Variants in LRRTM4 observed in about 807,000 individuals in gnomAD.
The protein encoded by LRRTM4 is leucine-rich repeat transmembrane neuronal protein 4.
Under a neutral mutation model 47.6 loss-of-function variants are expected in LRRTM4, and 25 were observed. That is an observed-to-expected ratio of 0.53 (90% confidence interval 0.38 to 0.73). The LOEUF (loss-of-function observed/expected upper bound fraction) is 0.73, where lower values mean the gene tolerates loss of function less well. Among genes scored for constraint, LRRTM4 ranks in the 30% least tolerant of loss-of-function variants. LRRTM4 has a pLI of 0.00. For missense variants in LRRTM4, 638 were observed against 713.4 expected (o/e 0.89, Z 1.20); for synonymous variants, 311 against 269.5 (o/e 1.15, Z -1.51).
At chr2:77,256,809 C>T (rs565415015) in intron 3 of LRRTM4, among the ~76,000 whole-genome samples, 1 of 149,530 alleles carries the variant, frequency 6.7e-6, no homozygotes, top group South Asian at 2.1e-4. Flanking sequence ...GTTACTAAAA[C>T]CAGTTGATAA....
intron 3 of LRRTM4, among the ~76,000 whole-genome samples, chr2:77,029,050 C>CAAAA (rs771045292): frequency 1.0e-4 from 12 of 118,638 alleles, no homozygotes; most frequent in East Asian, 2.2e-4. Flanking sequence ...CACACACACA[C>CAAAA]AAATATATAT....
chr2:76,766,341 T>C (rs545138582), intron 3 of LRRTM4, among the ~76,000 whole-genome samples: 3 of 152,322 alleles, frequency 2.0e-5, no homozygotes, highest in Admixed American at 6.5e-5. Flanking sequence ...GGTATCCAAC[T>C]GGGGACCACG....
chr2:76,945,612 T>C (rs761592693), intron 3 of LRRTM4, among the ~76,000 whole-genome samples: 2 of 152,018 alleles, frequency 1.3e-5, no homozygotes, highest in Non-Finnish European at 2.9e-5. Context: ...CCTGCATATA[T>C]ATACTGCAAC....
intron 3 of LRRTM4, among the ~76,000 whole-genome samples, chr2:77,068,289 GTTT>G (rs917782032): frequency 6.6e-6 from 1 of 151,248 alleles, no homozygotes. Context: ...AATGCTTCCT[GTTT>G]TTTTTTAAAT....
chr2:77,103,667 A>ATATATATC (rs59351218), intron 3 of LRRTM4, among the ~76,000 whole-genome samples: 1,490 of 146,248 alleles, frequency 0.01, 15 homozygotes, highest in Middle Eastern at 0.029. Context: ...ATATATAGAT[A>ATATATATC]TATATATCAC....
chr2:77,153,457 A>T (rs1215335573), intron 3 of LRRTM4, among the ~76,000 whole-genome samples: 1 of 152,212 alleles, frequency 6.6e-6, no homozygotes, highest in Non-Finnish European at 1.5e-5. Flanking sequence ...TAATGCAAAA[A>T]ATAAAGTGAG....
chr2:77,203,971 GA>G (rs1220959967), intron 3 of LRRTM4, among the ~76,000 whole-genome samples: 1 of 152,180 alleles, frequency 6.6e-6, no homozygotes, highest in Non-Finnish European at 1.5e-5. Context: ...TCCTAGACCT[GA>G]AACGATGTTG....
chr2:77,237,818 T>C (rs932472559), intron 3 of LRRTM4, among the ~76,000 whole-genome samples: 3 of 152,140 alleles, frequency 2.0e-5, no homozygotes, highest in Admixed American at 6.6e-5. Flanking sequence ...TAGGAAAAGA[T>C]AGCAAACCCT....
chr2:76,816,568 TA>T (rs1670902411), intron 3 of LRRTM4, among the ~76,000 whole-genome samples: 1 of 151,904 alleles, frequency 6.6e-6, no homozygotes, highest in Non-Finnish European at 1.5e-5. Flanking sequence ...TTTATTTTTT[TA>T]TTTTTTTTGG....
chr2:76,892,584 C>CAGGA (rs1473839804), intron 3 of LRRTM4, among the ~76,000 whole-genome samples: 3 of 151,450 alleles, frequency 2.0e-5, no homozygotes, highest in Admixed American at 1.3e-4. Context: ...TAATATGTAT[C>CAGGA]AGGAATTCCC....
chr2:77,323,555 A>G (rs1388912365), intron 3 of LRRTM4, among the ~76,000 whole-genome samples: 3 of 152,128 alleles, frequency 2.0e-5, no homozygotes, highest in African/African-American at 7.2e-5. Context: ...TGGCATTGAT[A>G]GCAGTTATTA....
intron 3 of LRRTM4, among the ~76,000 whole-genome samples, chr2:77,350,280 T>C (rs1391942628): frequency 7.7e-6 from 1 of 130,114 alleles, no homozygotes; most frequent in African/African-American, 2.9e-5. Flanking sequence ...GAGCCGAGAT[T>C]GCGCCACTGC....
intron 3 of LRRTM4, among the ~76,000 whole-genome samples, chr2:76,809,683 A>T (rs1670669810): frequency 6.6e-6 from 1 of 152,104 alleles, no homozygotes; most frequent in Admixed American, 6.6e-5. Context: ...CCATACCATC[A>T]CCCTGAAAAT....
chr2:77,364,925 G>A (rs539972875), intron 3 of LRRTM4, among the ~76,000 whole-genome samples: 44 of 151,924 alleles, frequency 2.9e-4, no homozygotes, highest in Middle Eastern at 6.8e-3. Flanking sequence ...GATAAATAAC[G>A]TTTATTTAAA....
chr2:77,014,720 G>A (rs1395189391), intron 3 of LRRTM4, among the ~76,000 whole-genome samples: 2 of 152,060 alleles, frequency 1.3e-5, no homozygotes, highest in African/African-American at 4.8e-5. Context: ...GCTGAAGCAG[G>A]AGAATCGTTT....
At chr2:77,108,926 A>T (rs959214497) in intron 3 of LRRTM4, among the ~76,000 whole-genome samples, 2 of 152,210 alleles carry the variant, frequency 1.3e-5, no homozygotes, top group African/African-American at 4.8e-5. Context: ...TCTAGAAAAG[A>T]CCTAAAGTAA....
chr2:76,931,640 T>C (rs1220060222), intron 3 of LRRTM4, among the ~76,000 whole-genome samples: 1 of 152,176 alleles, frequency 6.6e-6, no homozygotes, highest in African/African-American at 2.4e-5. Context: ...GCTGGCTGGA[T>C]ACACATGTTC....
intron 3 of LRRTM4, 47 bp from the exon 4 acceptor site, chr2:76,748,963 G>GA: frequency 4.0e-6 from 6 of 1,503,552 alleles, no homozygotes; most frequent in Non-Finnish European, 5.5e-6. Flanking sequence ...AATTGCTTTG[G>GA]AAAGATAGGA....
intron 3 of LRRTM4, among the ~76,000 whole-genome samples, chr2:77,024,956 GTTTT>G (rs998431680): frequency 1.3e-5 from 2 of 152,012 alleles, no homozygotes; most frequent in Middle Eastern, 3.2e-3. Flanking sequence ...GAAATTATTA[GTTTT>G]TTGTTTCAAA....
Sources: allele counts gnomAD v4.1 joint callset (sites outside exome capture counted in the v4.1 genomes callset), GRCh38; gene constraint gnomAD v4.1.1; transcripts MANE v1.5; gene names NCBI Gene and HGNC (gene_info 2026-07-23, HGNC 2026-07-21).